The following FAF1 variants were observed in gnomAD, a reference collection of about 807,000 sequenced individuals.
FAF1 encodes the protein FAS-associated factor 1.
FAF1 carries 25 observed loss-of-function variants against 92.5 expected under a neutral mutation model. That is an observed-to-expected ratio of 0.27 (90% CI 0.20 to 0.38). The LOEUF (loss-of-function observed/expected upper bound fraction) is 0.38. Among genes scored for constraint, FAF1 ranks in the 10% least tolerant of loss-of-function variants. The pLI is 1.00. For synonymous variants in FAF1, 234 were observed against 273.2 expected, an observed-to-expected ratio of 0.86 and a Z score of 1.42; for missense variants, 636 against 793.3, an observed-to-expected ratio of 0.80 and a Z score of 2.38.
chr1:50,729,374 T>C (rs923959421), intron 6 of FAF1, among the ~76,000 whole-genome samples: 3 of 150,964 alleles, frequency 2.0e-5, no homozygotes, highest in Non-Finnish European at 4.4e-5. Flanking sequence ...ATTTTTATTA[T>C]CTATGGTCAC....
At chr1:50,819,765 G>GTATA (rs1197224495) in intron 2 of FAF1, among the ~76,000 whole-genome samples, 3 of 40,168 alleles carry the variant, frequency 7.5e-5, no homozygotes, top group Non-Finnish European at 1.2e-4. Context: ...ATATATATAC[G>GTATA]TATATATATA....
Position 50,705,798 on chromosome 1 carries a change from A to T in FAF1, c.645T>A (p.Ser215Arg). Residue 215 changes from serine (S) to arginine (R), a missense_variant, in exon 7 of 19, where the codon AGT becomes AGA. Coordinates refer to ENST00000396153, the MANE Select transcript of FAF1 (RefSeq NM_007051.3). ...AGACATAACTCACCTCTTGAATAGT[A>T]CTGCTTCCTGAGAAGTTCAGGTTGT... The part of the protein sequence containing the change: ...REYNLNFSGS[S>R]TIQEVKRNVY... 1 of 1,591,536 alleles carries T rather than the reference A, an allele frequency of 6.3e-7. No homozygotes were observed. The highest frequency in any genetic ancestry group is 8.6e-7 in the Non-Finnish European group (1 of 1,159,832).
chr1:50,714,165 A>G (rs188317426), intron 6 of FAF1, among the ~76,000 whole-genome samples: 148 of 151,982 alleles, frequency 9.7e-4, no homozygotes, highest in African/African-American at 3.4e-3. Context: ...CACTGGTATA[A>G]ATATTTTTTT....
rs1645301624 is a variant in FAF1, at chr1:50,959,880, A to G, written c.-69T>C. The G allele has an allele frequency of 1.3e-5, 15 of 1,155,434 alleles. No homozygotes were observed. The South Asian group carries it at 3.5e-4, about 27-fold the overall frequency. 71.6% of individuals were successfully genotyped at this position (1,155,434 alleles called of 1,614,324 possible). On this transcript the variant is annotated 5_prime_UTR_variant, in exon 1 of 19. Coordinates refer to ENST00000396153, the MANE Select transcript of FAF1 (RefSeq NM_007051.3). ...TGGGAGGCAGACGGCACCTCCTGCG[A>G]CCGTCGCCGCCACCGCCGCCGCCGC...
chr1:50,656,285 T>A (rs1655108178), intron 7 of FAF1, among the ~76,000 whole-genome samples: 1 of 149,264 alleles, frequency 6.7e-6, no homozygotes, highest in African/African-American at 2.5e-5. Context: ...TGAGCTGAGA[T>A]CATGCCACTG....
intron 15 of FAF1, among the ~76,000 whole-genome samples, chr1:50,532,708 G>C (rs1207948544): frequency 6.6e-6 from 1 of 152,146 alleles, no homozygotes; most frequent in East Asian, 1.9e-4. Flanking sequence ...TACCTAGTGA[G>C]CATTAAAACT....
At chr1:50,825,587 G>A (rs539335776) in intron 2 of FAF1, among the ~76,000 whole-genome samples, 7 of 151,802 alleles carry the variant, frequency 4.6e-5, no homozygotes, top group South Asian at 2.1e-4. Flanking sequence ...AGATTTTAAC[G>A]TATATCTACC....
chr1:50,686,773 G>C (rs943079963), intron 7 of FAF1, among the ~76,000 whole-genome samples: 2 of 152,028 alleles, frequency 1.3e-5, no homozygotes, highest in Non-Finnish European at 2.9e-5. Context: ...TAGGCAATAT[G>C]ACAAAAAGAG....
intron 13 of FAF1, among the ~76,000 whole-genome samples, chr1:50,553,504 T>C (rs1013995790): frequency 1.3e-5 from 2 of 152,196 alleles, no homozygotes; most frequent in Admixed American, 6.5e-5. Flanking sequence ...GGCAGAAATC[T>C]GGTTTAGCAT....
chr1:50,770,712 A>G (rs943949225), intron 4 of FAF1, among the ~76,000 whole-genome samples: 12 of 152,236 alleles, frequency 7.9e-5, no homozygotes, highest in African/African-American at 2.9e-4. Context: ...TATTTCTACC[A>G]AACTACCAAG....
At chr1:50,948,570 T>A (rs538713999) in intron 1 of FAF1, among the ~76,000 whole-genome samples, 8 of 151,012 alleles carry the variant, frequency 5.3e-5, no homozygotes, top group Admixed American at 1.3e-4. Flanking sequence ...TCTTGCTCTG[T>A]CGCCCAGGCT....
At chr1:50,546,010 T>TA (rs1323338066) in intron 13 of FAF1, among the ~76,000 whole-genome samples, 2 of 151,992 alleles carry the variant, frequency 1.3e-5, no homozygotes, top group Admixed American at 6.6e-5. Flanking sequence ...CTACAAAAAA[T>TA]AAAAAAATTA....
chr1:50,797,011 C>T (rs1569963403), intron 3 of FAF1, among the ~76,000 whole-genome samples: 1 of 152,250 alleles, frequency 6.6e-6, no homozygotes, highest in East Asian at 1.9e-4. Context: ...TGGCACATGC[C>T]TGTAGTCCCA....
intron 4 of FAF1, among the ~76,000 whole-genome samples, chr1:50,768,262 T>C (rs1660651335): frequency 6.6e-6 from 1 of 152,264 alleles, no homozygotes; most frequent in African/African-American, 2.4e-5. Context: ...CCTAAATATA[T>C]GCACCAAACA....
chr1:50,892,967 G>A (rs1644731386), intron 1 of FAF1, among the ~76,000 whole-genome samples: 1 of 152,060 alleles, frequency 6.6e-6, no homozygotes. Context: ...GATCAATTCT[G>A]CTACTAAAAG....
At chr1:50,507,123 T>G (rs1385702817) in intron 15 of FAF1, among the ~76,000 whole-genome samples, 3 of 152,200 alleles carry the variant, frequency 2.0e-5, no homozygotes, top group Non-Finnish European at 4.4e-5. Context: ...TTTCTTTTCA[T>G]ACTGGACACA....
At chr1:50,554,855 T>C (rs1649492835) in intron 13 of FAF1, among the ~76,000 whole-genome samples, 1 of 152,150 alleles carries the variant, frequency 6.6e-6, no homozygotes, top group South Asian at 2.1e-4. Context: ...TCTAGAAATG[T>C]TATACTACTT....
At chr1:50,544,304 A>C (rs1032891334) in intron 13 of FAF1, among the ~76,000 whole-genome samples, 1 of 152,160 alleles carries the variant, frequency 6.6e-6, no homozygotes, top group Non-Finnish European at 1.5e-5. Context: ...GTGATCCTAA[A>C]CCTTTAGTGG....
intron 4 of FAF1, among the ~76,000 whole-genome samples, chr1:50,764,144 CTTAT>C (rs1459761816): frequency 6.6e-6 from 1 of 151,952 alleles, no homozygotes; most frequent in Non-Finnish European, 1.5e-5. Flanking sequence ...CATTAAGAGT[CTTAT>C]TTATGTTAAT....
Sources: gnomAD v4.1 joint callset for allele counts (sites outside exome capture counted in the v4.1 genomes callset) on GRCh38, gnomAD v4.1.1 for gene constraint, MANE v1.5 for transcripts, NCBI Gene and HGNC (gene_info 2026-07-23, HGNC 2026-07-21) for gene names.